The following SMYD3 variants were observed in gnomAD, a reference collection of about 807,000 sequenced individuals.
SMYD3 encodes the protein SET and MYND domain containing 3.
SMYD3 carries 36 observed loss-of-function variants against 57.7 expected under a neutral mutation model. That is an observed-to-expected ratio of 0.62 (90% CI 0.48 to 0.82). The LOEUF is 0.82. SMYD3 is among the 40% of genes least tolerant of loss of function. The pLI is 0.00. For synonymous variants in SMYD3, 211 were observed against 195.0 expected (o/e 1.08, Z -0.68); for missense variants, 515 against 538.8 (o/e 0.96, Z 0.44).
chr1:245,942,845 C>A (rs1431209079), intron 5 of SMYD3, among the ~76,000 whole-genome samples: 1 of 152,158 alleles, frequency 6.6e-6, no homozygotes, highest in East Asian at 1.9e-4. Flanking sequence ...CAAAACCACA[C>A]AACTACATGG....
At chr1:246,291,714 C>T (rs1300616372) in intron 5 of SMYD3, among the ~76,000 whole-genome samples, 1 of 152,070 alleles carries the variant, frequency 6.6e-6, no homozygotes, top group Non-Finnish European at 1.5e-5. Flanking sequence ...AGAAAACATG[C>T]CAGGTATTCA....
chr1:246,455,938 C>G (rs549803297), intron 1 of SMYD3, among the ~76,000 whole-genome samples: 3 of 152,146 alleles, frequency 2.0e-5, no homozygotes, highest in Non-Finnish European at 4.4e-5. Flanking sequence ...ACAACAGATA[C>G]GTGAATCAGG....
intron 5 of SMYD3, among the ~76,000 whole-genome samples, chr1:246,103,112 C>G (rs4654196): frequency 0.47 from 70,837 of 152,010 alleles, 20,445 homozygotes; most frequent in Non-Finnish European, 0.65. Context: ...ACAAGGTAAG[C>G]TGTCAATAAA....
chr1:246,394,445 C>T (rs2066623196), intron 1 of SMYD3, among the ~76,000 whole-genome samples: 1 of 152,220 alleles, frequency 6.6e-6, no homozygotes, highest in Non-Finnish European at 1.5e-5. Context: ...ACAATGTAAA[C>T]ATACAGCAGG....
intron 5 of SMYD3, among the ~76,000 whole-genome samples, chr1:245,946,962 A>G (rs898471416): frequency 1.3e-5 from 2 of 152,212 alleles, no homozygotes; most frequent in Non-Finnish European, 2.9e-5. Flanking sequence ...CTGTCAAAAC[A>G]TAAGTTGCAA....
At chr1:245,951,127 C>T (rs1452824495) in intron 5 of SMYD3, among the ~76,000 whole-genome samples, 1 of 152,084 alleles carries the variant, frequency 6.6e-6, no homozygotes, top group African/African-American at 2.4e-5. Context: ...CAAGGAGGCA[C>T]ATTGTTTCTG....
chr1:245,949,510 A>C (rs1558525346), intron 5 of SMYD3, among the ~76,000 whole-genome samples: 1 of 152,102 alleles, frequency 6.6e-6, no homozygotes, highest in Non-Finnish European at 1.5e-5. Flanking sequence ...CAGAACCAAA[A>C]CCAAAGTACC....
chr1:245,794,177 G>A (rs1191221778), intron 10 of SMYD3, among the ~76,000 whole-genome samples: 5 of 152,174 alleles, frequency 3.3e-5, no homozygotes, highest in African/African-American at 1.2e-4. Flanking sequence ...TCTATTTTCT[G>A]ACATTTCAGC....
chr1:246,236,417 A>T (rs568560437), intron 5 of SMYD3, among the ~76,000 whole-genome samples: 19 of 151,778 alleles, frequency 1.3e-4, no homozygotes, highest in East Asian at 7.8e-4. Flanking sequence ...TTAATTAATT[A>T]ATTTATTTAT....
chr1:246,499,239 G>A (rs1431143510), intron 1 of SMYD3, among the ~76,000 whole-genome samples: 1 of 151,818 alleles, frequency 6.6e-6, no homozygotes, highest in Non-Finnish European at 1.5e-5. Context: ...AGGAGGCAGA[G>A]GTTGCAGTGA....
At chr1:245,962,266 C>T (rs914182322) in intron 5 of SMYD3, among the ~76,000 whole-genome samples, 1 of 152,178 alleles carries the variant, frequency 6.6e-6, no homozygotes. Context: ...ACCCTTGGGA[C>T]TTGACGCAAG....
intron 10 of SMYD3, among the ~76,000 whole-genome samples, chr1:245,824,075 G>A (rs1465410280): frequency 1.3e-5 from 2 of 152,158 alleles, no homozygotes; most frequent in Non-Finnish European, 2.9e-5. Context: ...GAGAGTTGTG[G>A]CTTCTGCCCC....
At chr1:246,190,459 C>T (rs1429916291) in intron 5 of SMYD3, among the ~76,000 whole-genome samples, 1 of 151,884 alleles carries the variant, frequency 6.6e-6, no homozygotes, top group Admixed American at 6.5e-5. Flanking sequence ...GTGGCAGGCA[C>T]CTGTAGTCCC....
chr1:246,407,897 C>T (rs2066893246), intron 1 of SMYD3, among the ~76,000 whole-genome samples: 1 of 151,082 alleles, frequency 6.6e-6, no homozygotes, highest in Non-Finnish European at 1.5e-5. Flanking sequence ...CTTGAGGAGG[C>T]TGGGAAATCC....
intron 10 of SMYD3, among the ~76,000 whole-genome samples, chr1:245,797,446 T>C (rs1162356912): frequency 6.9e-6 from 1 of 143,940 alleles, no homozygotes; most frequent in African/African-American, 2.6e-5. Flanking sequence ...AAACACCACA[T>C]GTTCTCACTG....
intron 5 of SMYD3, among the ~76,000 whole-genome samples, chr1:245,998,320 G>A (rs114700864): frequency 1.5e-3 from 235 of 152,270 alleles, no homozygotes; most frequent in Non-Finnish European, 2.6e-3. Context: ...GTTTTGGAAC[G>A]TGATAGCTCC....
intron 5 of SMYD3, among the ~76,000 whole-genome samples, chr1:246,033,440 G>A (rs1473803825): frequency 6.6e-6 from 1 of 152,182 alleles, no homozygotes; most frequent in Non-Finnish European, 1.5e-5. Context: ...GCAACGTGAG[G>A]AATTCTTGTG....
At chr1:245,884,160 TACATCGA>T (rs1285510090) in intron 8 of SMYD3, among the ~76,000 whole-genome samples, 4 of 152,116 alleles carry the variant, frequency 2.6e-5, no homozygotes, top group Non-Finnish European at 4.4e-5. Flanking sequence ...AAAAGGTCAG[TACATCGA>T]ATCCAAATAC....
intron 5 of SMYD3, among the ~76,000 whole-genome samples, chr1:245,952,227 A>G (rs2057680042): frequency 6.6e-6 from 1 of 152,192 alleles, no homozygotes; most frequent in South Asian, 2.1e-4. Context: ...GGAAAAAATT[A>G]ACCAAAGCAT....
Sources: gnomAD v4.1 joint callset for allele counts (sites outside exome capture counted in the v4.1 genomes callset) on GRCh38, gnomAD v4.1.1 for gene constraint, MANE v1.5 for transcripts, NCBI Gene and HGNC (gene_info 2026-07-23, HGNC 2026-07-21) for gene names.